The following SGMS1 variants were observed in gnomAD, a reference collection of about 807,000 sequenced individuals.
SGMS1 encodes the protein phosphatidylcholine:ceramide cholinephosphotransferase 1.
Under a neutral mutation model 46.2 loss-of-function variants are expected in SGMS1, and 13 were observed. That is an observed-to-expected ratio of 0.28 (90% CI 0.18 to 0.45). SGMS1 has a LOEUF of 0.45. Ranked by LOEUF, SGMS1 falls within the 20% of genes least tolerant of loss-of-function variation. The probability of loss-of-function intolerance (pLI) is 1.00; values close to 1 mark genes in which losing one functional copy is unlikely to be tolerated. For synonymous variants in SGMS1, 203 were observed against 187.8 expected, an observed-to-expected ratio of 1.08 and a Z score of -0.66; for missense variants, 324 against 519.9, an observed-to-expected ratio of 0.62 and a Z score of 3.66.
intron 3 of SGMS1, among the ~76,000 whole-genome samples, chr10:50,490,517 C>T (rs762966948): frequency 2.6e-5 from 4 of 152,156 alleles, no homozygotes; most frequent in Non-Finnish European, 5.9e-5. Flanking sequence ...TGAAGAATCT[C>T]GATTTCACAT....
At chr10:50,436,101 TCAA>T (rs1849470397) in intron 5 of SGMS1, among the ~76,000 whole-genome samples, 1 of 152,130 alleles carries the variant, frequency 6.6e-6, no homozygotes. Flanking sequence ...ATAAGCAACT[TCAA>T]CAACCAACTT....
intron 6 of SGMS1, chr10:50,418,204 G>C (rs571760811): frequency 4.6e-5 from 7 of 152,146 alleles, no homozygotes; most frequent in Admixed American, 3.9e-4. Flanking sequence ...CGCAGACCCC[G>C]GGCGCGGCTC....
At chr10:50,448,231 A>G (rs1837050165) in intron 5 of SGMS1, among the ~76,000 whole-genome samples, 1 of 152,150 alleles carries the variant, frequency 6.6e-6, no homozygotes, top group Admixed American at 6.5e-5. Flanking sequence ...GAGCCTGGGC[A>G]ACAGAGCAAG....
chr10:50,599,541 A>C (rs553131870), intron 1 of SGMS1, among the ~76,000 whole-genome samples: 4 of 152,256 alleles, frequency 2.6e-5, no homozygotes, highest in Non-Finnish European at 5.9e-5. Context: ...AAACCATTGC[A>C]TTAACAGAAT....
chr10:50,547,376 C>A (rs1838110306), intron 2 of SGMS1, among the ~76,000 whole-genome samples: 1 of 152,124 alleles, frequency 6.6e-6, no homozygotes, highest in African/African-American at 2.4e-5. Flanking sequence ...ACTGACCCCA[C>A]AAAAATACAA....
At chr10:50,559,463 A>T (rs1838215388) in intron 2 of SGMS1, among the ~76,000 whole-genome samples, 1 of 152,252 alleles carries the variant, frequency 6.6e-6, no homozygotes, top group South Asian at 2.1e-4. Context: ...GAAGAGAAAG[A>T]ATTAAATATA....
At chr10:50,364,042 G>A (rs1254124576) in intron 6 of SGMS1, among the ~76,000 whole-genome samples, 1 of 151,824 alleles carries the variant, frequency 6.6e-6, no homozygotes, top group African/African-American at 2.4e-5. Flanking sequence ...TTTAAAAAGA[G>A]AGCTCCTGTA....
intron 5 of SGMS1, among the ~76,000 whole-genome samples, chr10:50,442,410 C>T (rs1237996768): frequency 6.6e-6 from 1 of 152,070 alleles, no homozygotes; most frequent in African/African-American, 2.4e-5. Context: ...CATCATTCAG[C>T]TCCCACTTGT....
chr10:50,463,186 T>C (rs1564921005), intron 4 of SGMS1, among the ~76,000 whole-genome samples: 1 of 151,966 alleles, frequency 6.6e-6, no homozygotes, highest in Non-Finnish European at 1.5e-5. Context: ...AATAAGCAAA[T>C]GGGACTACAT....
At chr10:50,598,720 A>G (rs896939408) in intron 1 of SGMS1, among the ~76,000 whole-genome samples, 1 of 152,180 alleles carries the variant, frequency 6.6e-6, no homozygotes, top group Non-Finnish European at 1.5e-5. Context: ...GATTTCACCA[A>G]ATGAGTGACT....
intron 1 of SGMS1, among the ~76,000 whole-genome samples, chr10:50,623,307 C>T (rs1838874154): frequency 1.3e-5 from 2 of 152,172 alleles, no homozygotes; most frequent in African/African-American, 4.8e-5. Flanking sequence ...TCTCCGGACC[C>T]CGGGCGGGCT....
upstream of SGMS1, chr10:50,624,744 C>T (rs1469004277): frequency 3.0e-6 from 3 of 985,330 alleles, no homozygotes; most frequent in Admixed American, 1.2e-4. Flanking sequence ...AGCGAAGCCC[C>T]AGCGCCCAAG....
At chr10:50,533,251 C>CA (rs1432085882) in intron 2 of SGMS1, among the ~76,000 whole-genome samples, 1 of 152,072 alleles carries the variant, frequency 6.6e-6, no homozygotes, top group Non-Finnish European at 1.5e-5. Context: ...GCTTTTTCCC[C>CA]AAGAAATTCT....
At chr10:50,334,515 T>G (rs1847682716) in intron 7 of SGMS1, 1 of 152,226 alleles carries the variant, frequency 6.6e-6, no homozygotes, top group South Asian at 2.1e-4. Context: ...AATTAATGTT[T>G]ACTCTTGGGC....
intron 6 of SGMS1, among the ~76,000 whole-genome samples, chr10:50,404,025 A>G (rs1412806652): frequency 6.6e-6 from 1 of 152,126 alleles, no homozygotes; most frequent in Non-Finnish European, 1.5e-5. Context: ...AATACATATG[A>G]AATAGGATGA....
At chr10:50,450,696 A>G (rs1837095964) in intron 5 of SGMS1, among the ~76,000 whole-genome samples, 1 of 152,108 alleles carries the variant, frequency 6.6e-6, no homozygotes, top group Admixed American at 6.5e-5. Context: ...TAAAAAAATT[A>G]TCAAGTGACC....
intron 3 of SGMS1, among the ~76,000 whole-genome samples, chr10:50,502,414 G>A (rs1487582263): frequency 6.6e-6 from 1 of 151,792 alleles, no homozygotes; most frequent in Non-Finnish European, 1.5e-5. Context: ...GAGGAGAGGT[G>A]CCATCCCACT....
At chr10:50,480,749 C>CA (rs1837469270) in intron 3 of SGMS1, among the ~76,000 whole-genome samples, 1 of 152,136 alleles carries the variant, frequency 6.6e-6, no homozygotes, top group African/African-American at 2.4e-5. Context: ...CTGAAGGCTA[C>CA]CTAAGATGAC....
At chr10:50,314,436 G>A (rs1847306875) in intron 8 of SGMS1, among the ~76,000 whole-genome samples, 4 of 152,058 alleles carry the variant, frequency 2.6e-5, no homozygotes, top group African/African-American at 4.8e-5. Flanking sequence ...TCTAAGCCTC[G>A]ATTTCCTCAT....
Sources: gnomAD v4.1 joint callset for allele counts (sites outside exome capture counted in the v4.1 genomes callset) on GRCh38, gnomAD v4.1.1 for gene constraint, MANE v1.5 for transcripts, NCBI Gene and HGNC (gene_info 2026-07-23, HGNC 2026-07-21) for gene names.